The following NUBPL variants were observed in gnomAD, a reference collection of about 807,000 sequenced individuals.
NUBPL encodes NUBP iron-sulfur cluster assembly factor, mitochondrial.
Under a neutral mutation model 45.7 loss-of-function variants are expected in NUBPL, and 31 were observed. That is an observed-to-expected ratio of 0.68 (90% confidence interval 0.51 to 0.92). The LOEUF is 0.92. Ranked by LOEUF, NUBPL falls within the 40% of genes least tolerant of loss-of-function variation. NUBPL has a pLI of 0.00. For missense variants in NUBPL, 401 were observed against 398.7 expected (o/e 1.01, Z -0.05); for synonymous variants, 144 against 140.9 (o/e 1.02, Z -0.15).
chr14:31,642,589 C>A (rs902341261), intron 4 of NUBPL, among the ~76,000 whole-genome samples: 2 of 152,006 alleles, frequency 1.3e-5, no homozygotes, highest in African/African-American at 4.8e-5. Context: ...GTTACTGTAA[C>A]TTTGTAGTAT....
At chr14:31,704,453 C>T (rs1433111808) in intron 6 of NUBPL, among the ~76,000 whole-genome samples, 3 of 152,204 alleles carry the variant, frequency 2.0e-5, no homozygotes, top group East Asian at 3.9e-4. Flanking sequence ...CACCTGAGGT[C>T]GGGAGTTTGA....
chr14:31,772,454 G>A (rs2039025937), intron 6 of NUBPL, among the ~76,000 whole-genome samples: 1 of 152,186 alleles, frequency 6.6e-6, no homozygotes, highest in Non-Finnish European at 1.5e-5. Context: ...AGAGAACTTA[G>A]AGAGGTGTTT....
At chr14:31,773,644 T>A (rs748973447) in intron 6 of NUBPL, among the ~76,000 whole-genome samples, 2 of 152,324 alleles carry the variant, frequency 1.3e-5, no homozygotes, top group African/African-American at 2.4e-5. Context: ...AATAGTGGCA[T>A]GCTTTCATGC....
intron 10 of NUBPL, among the ~76,000 whole-genome samples, chr14:31,853,111 T>TGTTTC (rs970110572): frequency 6.7e-6 from 1 of 150,170 alleles, no homozygotes; most frequent in East Asian, 1.9e-4. Flanking sequence ...TGTTTTGTTT[T>TGTTTC]GTTTTGTTTG....
intron 3 of NUBPL, among the ~76,000 whole-genome samples, chr14:31,577,501 C>T (rs1188429415): frequency 1.3e-5 from 2 of 152,192 alleles, no homozygotes; most frequent in East Asian, 1.9e-4. Context: ...GCAACCTCCA[C>T]CTGCCAGTTT....
chr14:31,721,089 G>A (rs1388687839), intron 6 of NUBPL, among the ~76,000 whole-genome samples: 2 of 152,140 alleles, frequency 1.3e-5, no homozygotes, highest in Admixed American at 6.5e-5. Context: ...TTGGGGAGTC[G>A]TATGGGTTAA....
Position 31,562,081 on chromosome 14 carries a change from G to A in NUBPL, c.122G>A (p.Gly41Glu). Residue 41 changes from glycine (G) to glutamate (E), a missense_variant, in exon 2 of 11, where the codon GGG becomes GAG. Physicochemically the swap from Gly to Glu is moderately conservative, Grantham distance 98 (BLOSUM62 -2). Coordinates refer to ENST00000281081, the MANE Select transcript of NUBPL (RefSeq NM_025152.3). ...TATTTTTTAAAGTTGTCTGGCGCCGGGAGTGAGACCCTAAAACAAAGAAGA... is the reference window on the plus strand; with the variant it reads ...TATTTTTTAAAGTTGTCTGGCGCCGAGAGTGAGACCCTAAAACAAAGAAGA... ...MVCGRQLSGA[G>E]SETLKQRRTQ... is the part of the protein sequence containing the mutation. The A allele has an allele frequency of 6.2e-7, 1 of 1,602,944 alleles. No homozygotes were observed. Among genetic ancestry groups the A allele is most frequent in the Non-Finnish European group, 8.5e-7 (1 of 1,174,130 alleles).
At chr14:31,653,666 CA>C in intron 4 of NUBPL, among the ~76,000 whole-genome samples, 1 of 152,184 alleles carries the variant, frequency 6.6e-6, no homozygotes, top group South Asian at 2.1e-4. Flanking sequence ...TCAATTTGTA[CA>C]ATAGTGGTCC....
intron 6 of NUBPL, among the ~76,000 whole-genome samples, chr14:31,676,475 A>T (rs2036701982): frequency 6.6e-6 from 1 of 151,572 alleles, no homozygotes; most frequent in South Asian, 2.1e-4. Flanking sequence ...TCTGTTGATG[A>T]ATATTTGGGT....
intron 6 of NUBPL, among the ~76,000 whole-genome samples, chr14:31,762,782 C>CTT (rs11385592): frequency 8.0e-5 from 12 of 150,280 alleles, no homozygotes; most frequent in Admixed American, 1.3e-4. Context: ...ACCAGTTAGT[C>CTT]TTTTTTTTTT....
intron 6 of NUBPL, among the ~76,000 whole-genome samples, chr14:31,766,025 A>C (rs923509762): frequency 1.3e-5 from 2 of 152,354 alleles, no homozygotes; most frequent in Non-Finnish European, 2.9e-5. Context: ...GCTGAAATTT[A>C]TATGTCTCAT....
chr14:31,837,896 C>T (rs1566591435), intron 8 of NUBPL, among the ~76,000 whole-genome samples: 1 of 152,144 alleles, frequency 6.6e-6, no homozygotes, highest in African/African-American at 2.4e-5. Flanking sequence ...TGGAATGCAG[C>T]TGCACCTCCG....
chr14:31,769,865 G>A (rs764878711), intron 6 of NUBPL, among the ~76,000 whole-genome samples: 8 of 152,002 alleles, frequency 5.3e-5, no homozygotes, highest in Non-Finnish European at 1.2e-4. Flanking sequence ...CTAGGGTCCC[G>A]AGAGGTTAAT....
At chr14:31,857,385 C>T (rs1054075795) in intron 10 of NUBPL, among the ~76,000 whole-genome samples, 5 of 152,180 alleles carry the variant, frequency 3.3e-5, no homozygotes, top group Middle Eastern at 3.2e-3. Flanking sequence ...CCATGAAGAC[C>T]TCTGACATGC....
intron 9 of NUBPL, 92 bp from the exon 10 acceptor site, chr14:31,850,027 G>T: frequency 2.2e-6 from 2 of 911,172 alleles, no homozygotes; most frequent in South Asian, 1.4e-5. Context: ...ATTTAGTTCC[G>T]ATTTTGTTTC....
intron 4 of NUBPL, 150 bp from the exon 5 acceptor site, chr14:31,673,205 C>T (rs1297101959): frequency 6.2e-6 from 4 of 643,678 alleles, no homozygotes; most frequent in Non-Finnish European, 1.1e-5. Context: ...ACAATGTAGA[C>T]ATGTATCATA....
chr14:31,811,573 A>G (rs752442009), intron 7 of NUBPL, among the ~76,000 whole-genome samples: 3 of 152,138 alleles, frequency 2.0e-5, no homozygotes, highest in Non-Finnish European at 4.4e-5. Context: ...CTCCTCCTGT[A>G]GCTCAGAGAA....
intron 7 of NUBPL, among the ~76,000 whole-genome samples, chr14:31,822,841 A>C (rs958422677): frequency 3.9e-5 from 6 of 152,136 alleles, no homozygotes; most frequent in Non-Finnish European, 8.8e-5. Context: ...GAATGGTGCT[A>C]TTCAGACTAT....
chr14:31,702,038 C>G (rs1364546428), intron 6 of NUBPL, among the ~76,000 whole-genome samples: 4 of 151,988 alleles, frequency 2.6e-5, no homozygotes, highest in African/African-American at 9.7e-5. Context: ...CCAAGATCAC[C>G]CTTAAGTTCA....
Sources: allele counts gnomAD v4.1 joint callset (sites outside exome capture counted in the v4.1 genomes callset), GRCh38; gene constraint gnomAD v4.1.1; transcripts MANE v1.5; gene names NCBI Gene and HGNC (gene_info 2026-07-23, HGNC 2026-07-21).